Variants in CCDC149 observed in about 807,000 individuals in gnomAD.
The protein encoded by CCDC149 is coiled-coil domain-containing protein 149.
CCDC149 carries 45 observed loss-of-function variants against 59.9 expected under a neutral mutation model. The ratio of observed to expected loss-of-function variants is 0.75; its 90% CI spans 0.59 to 0.96. The LOEUF is 0.96. Ranked by LOEUF, CCDC149 falls within the 40% of genes least tolerant of loss-of-function variation. The probability of loss-of-function intolerance (pLI) is 0.00; values close to 1 mark genes in which losing one functional copy is unlikely to be tolerated. For synonymous variants in CCDC149, 245 were observed against 260.6 expected (o/e 0.94, Z 0.58); for missense variants, 584 against 664.7 (o/e 0.88, Z 1.33).
chr4:24,935,837 C>G (rs10028222), intron 1 of CCDC149, among the ~76,000 whole-genome samples: 133,297 of 152,194 alleles, frequency 0.88, 58,461 homozygotes, highest in African/African-American at 0.92. Flanking sequence ...TATATATTTG[C>G]GAGTCATCTA....
intron 3 of CCDC149, among the ~76,000 whole-genome samples, chr4:24,854,086 T>G (rs1717851022): frequency 6.6e-6 from 1 of 152,102 alleles, no homozygotes; most frequent in Non-Finnish European, 1.5e-5. Context: ...ATGGTCCCTT[T>G]CCCCAGAGCA....
At position 24,876,524 on chromosome 4, in the gene CCDC149, C is replaced by A; in HGVS notation, c.225+12G>T. The A allele has an allele frequency of 6.2e-7, 1 of 1,611,088 alleles. No individual in the cohort carries two copies. Among genetic ancestry groups the A allele is most frequent in the South Asian group, 1.1e-5 (1 of 90,734 alleles). On this transcript the variant is annotated intron_variant, in intron 2 of 12. Coordinates refer to ENST00000635206, the MANE Select transcript of CCDC149 (RefSeq NM_001330643.2). ...ACAGGAAAGTCGCTGAACAGGGCAGCCTAACACTTACAATCAGCTCTCGGT... is the reference window on the plus strand; with the variant it reads ...ACAGGAAAGTCGCTGAACAGGGCAGACTAACACTTACAATCAGCTCTCGGT...
At chr4:24,854,754 C>CTAGG (rs914790567) in intron 3 of CCDC149, among the ~76,000 whole-genome samples, 8 of 152,206 alleles carry the variant, frequency 5.3e-5, no homozygotes, top group African/African-American at 1.9e-4. Flanking sequence ...GTCTTACCTA[C>CTAGG]TAGGTCTCCC....
At chr4:24,812,843 CTT>C (rs1714716785) in intron 12 of CCDC149, among the ~76,000 whole-genome samples, 1 of 152,168 alleles carries the variant, frequency 6.6e-6, no homozygotes, top group Non-Finnish European at 1.5e-5. Context: ...TTTTGTGAGA[CTT>C]ATTCGCTACC....
chr4:24,931,936 A>T (rs1028978258), intron 1 of CCDC149, among the ~76,000 whole-genome samples: 3 of 150,174 alleles, frequency 2.0e-5, no homozygotes, highest in African/African-American at 7.4e-5. Flanking sequence ...TAACTCATTT[A>T]AATCCTCATA....
intron 1 of CCDC149, among the ~76,000 whole-genome samples, chr4:24,956,768 C>T (rs980516024): frequency 4.6e-5 from 7 of 152,216 alleles, no homozygotes; most frequent in African/African-American, 1.2e-4. Context: ...TATTTTGAAT[C>T]GCCTACCACT....
intron 1 of CCDC149, among the ~76,000 whole-genome samples, chr4:24,954,618 T>C (rs1723409020): frequency 3.3e-5 from 5 of 152,244 alleles, no homozygotes; most frequent in Admixed American, 3.3e-4. Flanking sequence ...GGATTTTTTC[T>C]AATGCAAGGA....
At chr4:24,883,749 C>G (rs1429291117) in intron 1 of CCDC149, among the ~76,000 whole-genome samples, 1 of 152,126 alleles carries the variant, frequency 6.6e-6, no homozygotes, top group Non-Finnish European at 1.5e-5. Flanking sequence ...TTTAAAGCAT[C>G]CAGAACACTT....
chr4:24,927,756 C>G (rs1722467639), intron 1 of CCDC149, among the ~76,000 whole-genome samples: 1 of 152,076 alleles, frequency 6.6e-6, no homozygotes, highest in African/African-American at 2.4e-5. Flanking sequence ...AACTCTGGTT[C>G]TCTCTACACT....
At chr4:24,849,584 C>A (rs1717527549) in intron 4 of CCDC149, among the ~76,000 whole-genome samples, 1 of 152,178 alleles carries the variant, frequency 6.6e-6, no homozygotes, top group Non-Finnish European at 1.5e-5. Context: ...GGCAACAAAT[C>A]TTTCAGGAGG....
chr4:24,925,771 C>A (rs1722420015), intron 1 of CCDC149, among the ~76,000 whole-genome samples: 1 of 152,200 alleles, frequency 6.6e-6, no homozygotes. Flanking sequence ...GAGGCTTAAA[C>A]AAGGGATCTT....
chr4:24,843,377 A>G (rs919621058), intron 4 of CCDC149, among the ~76,000 whole-genome samples: 1 of 152,152 alleles, frequency 6.6e-6, no homozygotes, highest in African/African-American at 2.4e-5. Flanking sequence ...ATTCATCCGG[A>G]GTGGCACTGT....
intron 3 of CCDC149, among the ~76,000 whole-genome samples, chr4:24,853,469 C>CA (rs537277607): frequency 1.8e-3 from 274 of 148,162 alleles, no homozygotes; most frequent in Admixed American, 4.7e-3. Context: ...TTGCCTTAAA[C>CA]AAAAAAAAAT....
intron 4 of CCDC149, among the ~76,000 whole-genome samples, chr4:24,852,019 T>G (rs1013553878): frequency 6.6e-6 from 1 of 151,700 alleles, no homozygotes; most frequent in Non-Finnish European, 1.5e-5. Flanking sequence ...AGAAGCTGTG[T>G]AAGGAAGGCT....
chr4:24,864,831 A>G (rs144178840), intron 3 of CCDC149, among the ~76,000 whole-genome samples: 147 of 152,312 alleles, frequency 9.7e-4, no homozygotes, highest in African/African-American at 3.2e-3. Context: ...AACCAAATAC[A>G]GATCAAAAAT....
intron 7 of CCDC149, among the ~76,000 whole-genome samples, chr4:24,836,103 G>C (rs1465396533): frequency 6.6e-6 from 1 of 152,184 alleles, no homozygotes; most frequent in African/African-American, 2.4e-5. Context: ...GAGAAAACGG[G>C]TAAGAAACCT....
rs116760670 is a variant in CCDC149, at chr4:24,965,057, C to T, written c.-65+15012G>A. Among the ~76,000 whole-genome samples, 1,389 of 151,124 alleles carry T rather than the reference C, an allele frequency of 9.2e-3. 143 individuals carry two copies. Among genetic ancestry groups the T allele is most frequent in the African/African-American group, 0.032 (1,304 of 40,700 alleles). On this transcript the variant is annotated intron_variant, in intron 1 of 12. Transcript: ENST00000389609. The stretch of plus-strand genomic sequence containing the variant: ...TCCTTAAAAATGGTAAAAGGAAGTT[C>T]TCTAAGCAGAAAGAAAATGATAATA...
At chr4:24,840,960 A>C (rs1716898780) in intron 4 of CCDC149, among the ~76,000 whole-genome samples, 2 of 152,218 alleles carry the variant, frequency 1.3e-5, no homozygotes, top group Non-Finnish European at 2.9e-5. Flanking sequence ...AGTATTCACT[A>C]ATCCAGTAGT....
In CCDC149 at chr4:24,837,092, T is replaced by C; in HGVS notation, c.662+136A>G. 1 of 794,896 alleles carries C rather than the reference T, an allele frequency of 1.3e-6. No individual in the cohort carries two copies. Among genetic ancestry groups the C allele is most frequent in the Non-Finnish European group, 2.0e-6 (1 of 507,834 alleles). 49.2% of individuals were successfully genotyped at this position (794,896 alleles called of 1,614,324 possible). On this transcript the variant is annotated intron_variant, in intron 6 of 12. Transcript: ENST00000635206. The surrounding 1 kb of genome is among the most constrained non-coding windows in gnomAD (Gnocchi z 4.3). ...CTAATACATGGCATTGATGTCATCA[T>C]TTCGGGGGAGTGAGTTTCTTTTCAC...
Sources: allele counts gnomAD v4.1 joint callset (sites outside exome capture counted in the v4.1 genomes callset), GRCh38; gene constraint gnomAD v4.1.1; non-coding constraint Gnocchi (gnomAD v3.1); transcripts MANE v1.5; gene names NCBI Gene and HGNC (gene_info 2026-07-23, HGNC 2026-07-21).